Variants in P3H3 observed in about 807,000 individuals in gnomAD.
P3H3 encodes gene rich cluster, B.
In P3H3, 64 loss-of-function variants were observed where a neutral mutation model predicts 78.1. The observed-to-expected ratio is 0.82, with a 90% confidence interval of 0.67 to 1.01. P3H3 has a LOEUF of 1.01. Among genes scored for constraint, P3H3 ranks in the 50% least tolerant of loss-of-function variants. The pLI, the probability that P3H3 is intolerant of heterozygous loss-of-function variation, is 0.00. For missense variants in P3H3, 975 were observed against 982.2 expected (o/e 0.99, Z 0.10); for synonymous variants, 425 against 416.7 (o/e 1.02, Z -0.24).
chr12:6,834,128 C>G (rs1943474799), intron 9 of P3H3, 79 bp downstream of exon 9: 2 of 1,585,714 alleles, frequency 1.3e-6, no homozygotes, highest in Non-Finnish European at 1.7e-6. Flanking sequence ...TGGCCTGCCC[C>G]CTTCATTCTG....
intron 10 of P3H3, 49 bp downstream of exon 10, chr12:6,837,135 G>A (rs1555122275): frequency 4.0e-6 from 6 of 1,498,580 alleles, no homozygotes; most frequent in Admixed American, 1.7e-5. Context: ...ACCTGGAGGA[G>A]AGGCTGTGCA....
In P3H3 at chr12:6,829,073, G is replaced by T; in HGVS notation, c.498+135G>T. 1.9e-6 allele frequency: 1 copy of T among 531,630 alleles called. No individual in the cohort carries two copies. The highest frequency in any genetic ancestry group is 2.9e-6 in the Non-Finnish European group (1 of 348,718). 32.9% of individuals were successfully genotyped at this position (531,630 alleles called of 1,614,324 possible). A position where few individuals can be genotyped will look rare whatever the true frequency, so the allele number is the denominator to read the frequency against. On this transcript the variant is annotated intron_variant, in intron 1 of 14. Transcript: ENST00000290510. The surrounding 1 kb of genome is among the most constrained non-coding windows in gnomAD (Gnocchi z 5.1). ...GCTGGGGAGCGTACCGCGGGCCTCT[G>T]CGTAGGAGCTGGCTAAGCGACCGCG...
At position 6,838,863 on chromosome 12, in the gene P3H3, C is replaced by G; in HGVS notation, c.1906-137C>G. ...TTTCTCATTTGCCCCAAGCTAGTCC[C>G]TGAATTAAGGAGTAGGAAGTGGTAG... On this transcript the variant is annotated intron_variant, in intron 13 of 14. Coordinates refer to ENST00000290510, the MANE Select transcript of P3H3 (RefSeq NM_014262.5). The G allele has an allele frequency of 4.6e-6, 3 of 653,900 alleles. No homozygotes were observed. The South Asian group carries it at 1.2e-4, about 27-fold the overall frequency. 40.5% of individuals were successfully genotyped at this position (653,900 alleles called of 1,614,324 possible).
chr12:6,831,717 G>A lies in P3H3; in HGVS notation c.1123-108G>A. 1.3e-6 allele frequency: 1 copy of A among 746,136 alleles called. No homozygotes were observed. Among genetic ancestry groups the A allele is most frequent in the South Asian group, 1.5e-5 (1 of 66,642 alleles). 46.2% of individuals were successfully genotyped at this position (746,136 alleles called of 1,614,324 possible). A position where few individuals can be genotyped will look rare whatever the true frequency, so the allele number is the denominator to read the frequency against. On this transcript the variant is annotated intron_variant, in intron 5 of 14. Coordinates refer to ENST00000290510, the MANE Select transcript of P3H3 (RefSeq NM_014262.5). The surrounding 1 kb of genome is among the most constrained non-coding windows in gnomAD (Gnocchi z 4.6). ...GGAACGTTGAACAGAGGAACCGGGG[G>A]GCATGGTGCCAGGTTCAAGGAGCAT...
Position 6,828,753 on chromosome 12 carries a change from C to T in P3H3, c.313C>T (p.Pro105Ser). ...CCCGGAGCCCGACTCCGGGCCGGGA[C>T]CCACGCAGGGGTCCTGGGAGCGACA... ...GAPEPDSGPG[P>S]TQGSWERQLL... Residue 105 changes from proline (P) to serine (S), a missense_variant, in exon 1 of 15, where the codon CCC becomes TCC. Physicochemically the swap from Pro to Ser is moderately conservative, Grantham distance 74 (BLOSUM62 -1). Coordinates refer to ENST00000290510, the MANE Select transcript of P3H3 (RefSeq NM_014262.5). 8.0e-7 allele frequency: 1 copy of T among 1,244,876 alleles called. No individual in the cohort carries two copies. The allele number at this position is 1,244,876 out of a possible 1,614,324, so 77.1% of individuals were successfully genotyped here.
At position 6,839,074 on chromosome 12, in the gene P3H3, C is replaced by A; in HGVS notation, c.1980C>A (p.Ala660=). Residue 660 remains alanine, a synonymous_variant, in exon 14 of 15, where the codon GCC becomes GCA. Transcript: ENST00000290510. ...TCGAGAATCCCCATGGGGTGTGGGC[C>A]GTGACTCGGGGACGGCGCTGTGCCC... The part of the protein sequence containing the change: ...SGVENPHGVW[A]VTRGRRCALA... 2 of 1,611,780 alleles carry A rather than the reference C, an allele frequency of 1.2e-6. No individual in the cohort carries two copies. The highest frequency in any genetic ancestry group is 2.2e-5 in the East Asian group (1 of 44,876).
rs193250250 is a variant in P3H3 at position 6,830,566 on chromosome 12, G to C, written c.853+12G>C. ...TGAGGCCATTGCAGGTAAGGGTCCC[G>C]TGTGTGAGGGGGTGGGTCGGTGCCC... On this transcript the variant is annotated intron_variant, in intron 3 of 14. Transcript: ENST00000290510. The C allele has an allele frequency of 6.3e-7, 1 of 1,576,636 alleles. No individual in the cohort carries two copies. Among genetic ancestry groups the C allele is most frequent in the Admixed American group, 1.8e-5 (1 of 54,900 alleles).
Position 6,839,333 on chromosome 12 carries a change from C to CAGG in P3H3, c.2094_2096dup (p.Glu704dup), listed in dbSNP as rs1354658874. The CAGG allele has an allele frequency of 1.2e-5, 18 of 1,552,952 alleles. No homozygotes were observed. The Admixed American group carries it at 1.4e-4, about 12-fold the overall frequency. On this transcript the variant is annotated inframe_insertion, in exon 15 of 15. Transcript: ENST00000290510. ...AGCCAAAGAACTGCTGCAGGAGTCA[C>CAGG]AGGAGGAGGAGGAAGAGGAAGAGGA... is the stretch of plus-strand genomic sequence containing the variant.
Position 6,828,544 on chromosome 12 carries a change from A to T in P3H3, c.104A>T (p.Gln35Leu). The T allele has an allele frequency of 1.6e-6, 2 of 1,272,264 alleles. No homozygotes were observed. The highest frequency in any genetic ancestry group is 2.0e-6 in the Non-Finnish European group (2 of 1,007,920). The allele number at this position is 1,272,264 out of a possible 1,614,324, so 78.8% of individuals were successfully genotyped here. A position where few individuals can be genotyped will look rare whatever the true frequency, so the allele number is the denominator to read the frequency against. ...LTQLSPGAPP[Q>L]APDLLYADGL... ...CAGCTGTCCCCGGGGGCGCCCCCGC[A>T]GGCCCCCGACTTGCTCTACGCTGAC... Residue 35 changes from glutamine to leucine, a missense_variant, in exon 1 of 15, where the codon CAG becomes CTG. Physicochemically the swap from Gln to Leu is moderately radical, Grantham distance 113 (BLOSUM62 -2). Coordinates refer to ENST00000290510, the MANE Select transcript of P3H3 (RefSeq NM_014262.5).
Position 6,839,055 on chromosome 12 carries a change from A to G in P3H3, c.1961A>G (p.Asn654Ser). ...RLVAFSSGVE[N>S]PHGVWAVTRG... ...GTGGCCTTCAGCTCCGGTGTCGAGAATCCCCATGGGGTGTGGGCCGTGACT... is the reference window on the plus strand; with the variant it reads ...GTGGCCTTCAGCTCCGGTGTCGAGAGTCCCCATGGGGTGTGGGCCGTGACT... The change falls in exon 14 of 15, where the codon AAT becomes AGT. Residue 654 changes from asparagine (N) to serine (S), a missense_variant. Transcript: ENST00000290510. The G allele has an allele frequency of 6.2e-7, 1 of 1,611,882 alleles. No individual in the cohort carries two copies. The highest frequency in any genetic ancestry group is 8.5e-7 in the Non-Finnish European group (1 of 1,179,270).
rs782322398 is a variant in P3H3 at position 6,837,115 on chromosome 12, T to C, written c.1560+29T>C. ...AGCACAGGAGGCACCCGGGCCCGTC[T>C]GATGCCCAGACCTGGAGGAGAGGCT... On this transcript the variant is annotated intron_variant, in intron 10 of 14. Coordinates refer to ENST00000290510, the MANE Select transcript of P3H3 (RefSeq NM_014262.5). 1.3e-5 allele frequency: 21 copies of C among 1,560,848 alleles called. No homozygotes were observed. In the African/African-American group the frequency reaches 2.6e-4, roughly 19 times the overall value.
chr12:6,836,100 T>G (rs1943493259), intron 9 of P3H3, among the ~76,000 whole-genome samples: 1 of 152,170 alleles, frequency 6.6e-6, no homozygotes, highest in Non-Finnish European at 1.5e-5. Context: ...TGCGCCTATA[T>G]GTTCCCACCT....
rs782451393 is a variant in P3H3, at chr12:6,837,871, CA to C, written c.1829+23del. 3.1e-6 allele frequency: 5 copies of C among 1,599,018 alleles called. No homozygotes were observed. In the South Asian group the frequency reaches 4.5e-5, roughly 14 times the overall value. ...ACAGGTGGGCAGCCCCTCTAGTGGT[CA>C]GGCAGGTGGGCAGACAAAGGTCATC... On this transcript the variant is annotated intron_variant, in intron 12 of 14. Coordinates refer to ENST00000290510, the MANE Select transcript of P3H3 (RefSeq NM_014262.5).
rs1485005575 is a variant in P3H3 at position 6,831,725 on chromosome 12, G to T, written c.1123-100G>T. On this transcript the variant is annotated intron_variant, in intron 5 of 14. Transcript: ENST00000290510. This position sits in a 1 kb window ranked among gnomAD's most constrained non-coding sequence, Gnocchi z 4.6. ...GAACAGAGGAACCGGGGGGCATGGTGCCAGGTTCAAGGAGCATGGAGCACC... is the reference window on the plus strand; with the variant it reads ...GAACAGAGGAACCGGGGGGCATGGTTCCAGGTTCAAGGAGCATGGAGCACC... 26 of 769,894 alleles carry T rather than the reference G, an allele frequency of 3.4e-5. No homozygotes were observed. Among genetic ancestry groups the T allele is most frequent in the Non-Finnish European group, 5.2e-5 (23 of 444,106 alleles). The allele number at this position is 769,894 out of a possible 1,614,324, so 47.7% of individuals were successfully genotyped here.
In P3H3 at chr12:6,829,639, A is replaced by G. The variant is rs1943425663; in HGVS notation, c.499-220A>G. On this transcript the variant is annotated intron_variant, in intron 1 of 14. Transcript: ENST00000290510. The surrounding 1 kb of genome is among the most constrained non-coding windows in gnomAD (Gnocchi z 5.1). ...TGTCCCACCCAACTCCGACGTCTTT[A>G]GATCCCCTTTCCCTCGGTGCCAGCC... 3.5e-6 allele frequency: 2 copies of G among 570,450 alleles called. No homozygotes were observed. The highest frequency in any genetic ancestry group is 2.1e-5 in the South Asian group (1 of 47,788). 35.3% of individuals were successfully genotyped at this position (570,450 alleles called of 1,614,324 possible).
In P3H3 at chr12:6,838,916, T is replaced by C. The variant is rs782041777; in HGVS notation, c.1906-84T>C. ...AGAGAGCTGATCCTCTCTGTGCCCC[T>C]GTCCCCATCCTGCTCTAGGGAGTGA... is the stretch of plus-strand genomic sequence containing the variant. On this transcript the variant is annotated intron_variant, in intron 13 of 14. Transcript: ENST00000290510. 1.3e-5 allele frequency: 16 copies of C among 1,241,916 alleles called. No homozygotes were observed. The African/African-American group carries it at 2.1e-4, about 16-fold the overall frequency. 76.9% of individuals were successfully genotyped at this position (1,241,916 alleles called of 1,614,324 possible).
intron 6 of P3H3, among the ~76,000 whole-genome samples, chr12:6,832,712 C>T (rs1943461069): frequency 6.6e-6 from 1 of 151,964 alleles, no homozygotes; most frequent in Non-Finnish European, 1.5e-5. Context: ...AGCGATTCTT[C>T]TGCCTCAGCC....
chr12:6,837,750 T>C lies in P3H3; in HGVS notation c.1730T>C (p.Met577Thr), dbSNP rs782109359. ...SAIEGEQEQRMDLSHPVHADN... is the reference protein window; with the variant it reads ...SAIEGEQEQRTDLSHPVHADN... ...GTCCTAGGAGAGCAAGAGCAGCGCA[T>C]GGACCTGAGTCACCCAGTGCACGCA... The change falls in exon 12 of 15, where the codon ATG (methionine) becomes ACG (threonine). Residue 577 changes from methionine (M) to threonine (T), a missense_variant. Coordinates refer to ENST00000290510, the MANE Select transcript of P3H3 (RefSeq NM_014262.5). The C allele has an allele frequency of 6.2e-7, 1 of 1,612,746 alleles. No homozygotes were observed. Among genetic ancestry groups the C allele is most frequent in the Non-Finnish European group, 8.5e-7 (1 of 1,179,400 alleles).
chr12:6,837,710 C>T (rs975363341), intron 11 of P3H3, 22 bp from the exon 12 acceptor site: 9 of 1,601,616 alleles, frequency 5.6e-6, no homozygotes, highest in Admixed American at 5.1e-5. Context: ...CAGAGGTACC[C>T]CCAGACCCCT....
Sources: gnomAD v4.1 joint callset for allele counts (sites outside exome capture counted in the v4.1 genomes callset) on GRCh38, gnomAD v4.1.1 for gene constraint, Gnocchi (gnomAD v3.1) non-coding constraint, MANE v1.5 for transcripts, NCBI Gene and HGNC (gene_info 2026-07-23, HGNC 2026-07-21) for gene names.